Variants in CPLX1 observed in about 807,000 individuals in gnomAD.
CPLX1 encodes complexin-1.
A neutral mutation model predicts 15.6 loss-of-function variants in CPLX1; 6 were observed. The observed-to-expected ratio is 0.39, with a 90% CI of 0.21 to 0.76. CPLX1 has a LOEUF of 0.76. Ranked by LOEUF, CPLX1 falls within the 30% of genes least tolerant of loss-of-function variation. The pLI is 0.43. For missense variants in CPLX1, 242 were observed against 188.6 expected, an observed-to-expected ratio of 1.28 and a Z score of -1.66; for synonymous variants, 91 against 75.2, an observed-to-expected ratio of 1.21 and a Z score of -1.08.
chr4:810,109 GCA>G lies in CPLX1; in HGVS notation c.31+14381_31+14382del, dbSNP rs1228849104. On this transcript the variant is annotated intron_variant, in intron 2 of 3. Coordinates refer to ENST00000304062, the MANE Select transcript of CPLX1 (RefSeq NM_006651.4). Reference sequence around the variant, plus strand: ...TCGTTGCCCAGGCTGGAGTGCAGTGGCATGATCTCAGCTCACTGCAAGCTCCG... The same window carrying G: ...TCGTTGCCCAGGCTGGAGTGCAGTGGTGATCTCAGCTCACTGCAAGCTCCG... 8.0e-5 allele frequency among the ~76,000 whole-genome samples: 12 copies of G among 150,812 alleles called. No homozygotes were observed. In the East Asian group the frequency reaches 1.8e-3, roughly 22 times the overall value.
At chr4:791,174 G>T (rs914708456) in intron 3 of CPLX1, among the ~76,000 whole-genome samples, 1 of 148,496 alleles carries the variant, frequency 6.7e-6, no homozygotes, top group African/African-American at 2.6e-5. Context: ...GGTCAGCTGC[G>T]GGGCGGGGGG....
In CPLX1 at chr4:786,340, C is replaced by T; in HGVS notation, c.*161G>A. The T allele has an allele frequency of 1.5e-6, 1 of 680,148 alleles. No homozygotes were observed. The highest frequency in any genetic ancestry group is 2.2e-6 in the Non-Finnish European group (1 of 451,186). 42.1% of individuals were successfully genotyped at this position (680,148 alleles called of 1,614,324 possible). ...CTGGGGGGGTCCTGGGGGCGCGCGC[C>T]CCTTGCCGGGTGAGGGAGGCGGCGG... On this transcript the variant is annotated 3_prime_UTR_variant, in exon 4 of 4. Coordinates refer to ENST00000304062, the MANE Select transcript of CPLX1 (RefSeq NM_006651.4).
intron 2 of CPLX1, among the ~76,000 whole-genome samples, chr4:822,337 C>G (rs533197753): frequency 6.6e-6 from 1 of 151,296 alleles, no homozygotes; most frequent in African/African-American, 2.4e-5. Context: ...TCCCATCTCT[C>G]CCTGTCTCTG....
At chr4:806,553 CTAAT>C (rs1746558235) in intron 2 of CPLX1, among the ~76,000 whole-genome samples, 1 of 151,984 alleles carries the variant, frequency 6.6e-6, no homozygotes, top group Non-Finnish European at 1.5e-5. Context: ...CAAGTGGGAG[CTAAT>C]TAAAGAGCTT....
intron 2 of CPLX1, among the ~76,000 whole-genome samples, chr4:803,814 C>A (rs149482314): frequency 0.019 from 2,880 of 152,290 alleles, 52 homozygotes; most frequent in Non-Finnish European, 0.028. Flanking sequence ...GGATTACAGG[C>A]GTGTGCCACC....
chr4:819,628 A>G (rs1746823416), intron 2 of CPLX1, among the ~76,000 whole-genome samples: 1 of 152,108 alleles, frequency 6.6e-6, no homozygotes, highest in Admixed American at 6.5e-5. Flanking sequence ...AGTCTCCCCA[A>G]GTTGGGTGTG....
intron 3 of CPLX1, among the ~76,000 whole-genome samples, chr4:790,637 C>A (rs13105473): frequency 6.6e-6 from 1 of 151,888 alleles, no homozygotes; most frequent in Admixed American, 6.6e-5. Context: ...CAGCGTCCCT[C>A]TAGGATCATG....
chr4:808,261 A>T (rs1484019301), intron 2 of CPLX1, among the ~76,000 whole-genome samples: 3 of 150,994 alleles, frequency 2.0e-5, no homozygotes, highest in Non-Finnish European at 4.5e-5. Context: ...AATAAATAAA[A>T]ATAAATAAAA....
chr4:818,774 T>A lies in CPLX1; in HGVS notation c.31+5718A>T, dbSNP rs1245623772. 2.6e-5 allele frequency among the ~76,000 whole-genome samples: 4 copies of A among 152,360 alleles called. No homozygotes were observed. In the East Asian group the frequency reaches 7.7e-4, roughly 29 times the overall value. On this transcript the variant is annotated intron_variant, in intron 2 of 3. Transcript: ENST00000304062. ...ACCTCGCCTGTCTCCACGCATCCTCTCCTGAAAGCGAGGACCAGGTGCTGT... is the reference window on the plus strand; with the variant it reads ...ACCTCGCCTGTCTCCACGCATCCTCACCTGAAAGCGAGGACCAGGTGCTGT...
intron 2 of CPLX1, among the ~76,000 whole-genome samples, chr4:796,580 G>A (rs1746345866): frequency 6.6e-6 from 1 of 152,174 alleles, no homozygotes; most frequent in Admixed American, 6.5e-5. Context: ...ACTGCACCCA[G>A]CCCAATGTTA....
At chr4:802,392 C>A (rs1746475705) in intron 2 of CPLX1, among the ~76,000 whole-genome samples, 1 of 152,184 alleles carries the variant, frequency 6.6e-6, no homozygotes. Flanking sequence ...GCAGACTTAA[C>A]CACGGTGATG....
At chr4:807,055 C>T (rs1746567246) in intron 2 of CPLX1, among the ~76,000 whole-genome samples, 1 of 152,106 alleles carries the variant, frequency 6.6e-6, no homozygotes, top group Admixed American at 6.5e-5. Flanking sequence ...TTCACAATAG[C>T]AAAGATAGGG....
At chr4:807,263 G>A (rs755611820) in intron 2 of CPLX1, among the ~76,000 whole-genome samples, 1 of 152,220 alleles carries the variant, frequency 6.6e-6, no homozygotes, top group Non-Finnish European at 1.5e-5. Flanking sequence ...TCGTAAGTGG[G>A]AGTTGAACAT....
intron 1 of CPLX1, among the ~76,000 whole-genome samples, 186 bp downstream of exon 1, chr4:825,860 G>A (rs1746974191): frequency 7.9e-6 from 1 of 127,212 alleles, no homozygotes; most frequent in Non-Finnish European, 1.7e-5. Context: ...AGAGACCCGG[G>A]GAGCGGAGGC....
At chr4:823,400 G>A (rs540195184) in intron 2 of CPLX1, among the ~76,000 whole-genome samples, 3 of 152,296 alleles carry the variant, frequency 2.0e-5, no homozygotes, top group Admixed American at 6.5e-5. Context: ...GGGAAGCGGC[G>A]CCTGCCCTCT....
chr4:788,347 G>A (rs1479820506), intron 3 of CPLX1: 13 of 985,172 alleles, frequency 1.3e-5, no homozygotes, highest in Non-Finnish European at 1.4e-5. Context: ...GGTGTGGGGG[G>A]CCAGGGCCAC....
intron 2 of CPLX1, among the ~76,000 whole-genome samples, chr4:793,699 C>G (rs11725571): frequency 6.6e-6 from 1 of 152,174 alleles, no homozygotes; most frequent in African/African-American, 2.4e-5. Flanking sequence ...TCTGGCCACA[C>G]GTTGCCCCTG....
At chr4:787,234 G>A (rs1340169603) in intron 3 of CPLX1, 2 of 985,246 alleles carry the variant, frequency 2.0e-6, no homozygotes, top group African/African-American at 1.7e-5. Context: ...GTGGGCAGCC[G>A]GCAGAGGGTC....
At chr4:810,089 G>A (rs569905196) in intron 2 of CPLX1, among the ~76,000 whole-genome samples, 3 of 123,634 alleles carry the variant, frequency 2.4e-5, no homozygotes, top group Admixed American at 1.0e-4. Flanking sequence ...TCGCTTCGTT[G>A]CCCAGGCTGG....
Sources: gnomAD v4.1 joint callset for allele counts (sites outside exome capture counted in the v4.1 genomes callset) on GRCh38, gnomAD v4.1.1 for gene constraint, MANE v1.5 for transcripts, NCBI Gene and HGNC (gene_info 2026-07-23, HGNC 2026-07-21) for gene names.